P3H2: variants seen among roughly 807,000 people sequenced by gnomAD.
The protein encoded by P3H2 is prolyl 3-hydroxylase 2.
Under a neutral mutation model 87.0 loss-of-function variants are expected in P3H2, and 80 were observed. The ratio of observed to expected loss-of-function variants is 0.92; its 90% confidence interval spans 0.77 to 1.11. The LOEUF is 1.11. Among genes scored for constraint, P3H2 ranks in the 50% least tolerant of loss-of-function variants. The pLI, the probability that P3H2 is intolerant of heterozygous loss-of-function variation, is 0.00. For synonymous variants in P3H2, 367 were observed against 359.3 expected (o/e 1.02, Z -0.24); for missense variants, 1,001 against 923.9 (o/e 1.08, Z -1.08).
intron 8 of P3H2, among the ~76,000 whole-genome samples, chr3:189,976,347 G>A (rs939098664): frequency 3.9e-5 from 6 of 152,168 alleles, no homozygotes; most frequent in Admixed American, 2.6e-4. Flanking sequence ...CCACGTCTGG[G>A]GAGGCCTCAC....
At chr3:190,004,377 A>G (rs1442673078) in intron 1 of P3H2, among the ~76,000 whole-genome samples, 1 of 152,136 alleles carries the variant, frequency 6.6e-6, no homozygotes, top group Non-Finnish European at 1.5e-5. Context: ...GATACAAACG[A>G]TAATTTATTT....
chr3:190,025,540 AG>A (rs1725062430), intron 1 of P3H2, among the ~76,000 whole-genome samples: 1 of 152,146 alleles, frequency 6.6e-6, no homozygotes, highest in Non-Finnish European at 1.5e-5. Context: ...TTCACCTGTG[AG>A]GGTTATGATG....
rs187446949 is a variant in P3H2, at chr3:190,040,361, G to C, written c.481-44919C>G. On this transcript the variant is annotated intron_variant, in intron 1 of 14. Transcript: ENST00000319332. ...TGGTGTGCACACAGGATTACCTGAGGCTTGTAAGGGAGAATGCCAACTAAT... is the reference window on the plus strand; with the variant it reads ...TGGTGTGCACACAGGATTACCTGAGCCTTGTAAGGGAGAATGCCAACTAAT... Among the ~76,000 whole-genome samples the C allele has an allele frequency of 3.1e-3, 467 of 152,328 alleles. 1 individual carries two copies. Among genetic ancestry groups the C allele is most frequent in the Non-Finnish European group, 4.9e-3 (332 of 68,034 alleles).
In P3H2 at chr3:190,017,331, G is replaced by GA. The variant is rs537677987; in HGVS notation, c.481-21890dup. On this transcript the variant is annotated intron_variant, in intron 1 of 14. Coordinates refer to ENST00000319332, the MANE Select transcript of P3H2 (RefSeq NM_018192.4). ...AAGCCACCTCAGCTGCTCTCTCAGG[G>GA]AAAAAAAAATAATACTGTTGCTTCC... Among the ~76,000 whole-genome samples, 20 of 150,396 alleles carry GA rather than the reference G, an allele frequency of 1.3e-4. No individual in the cohort carries two copies. In the East Asian group the frequency reaches 1.4e-3, roughly 10 times the overall value.
intron 1 of P3H2, among the ~76,000 whole-genome samples, chr3:190,064,851 G>A (rs1199049947): frequency 6.6e-6 from 1 of 152,158 alleles, no homozygotes; most frequent in African/African-American, 2.4e-5. Flanking sequence ...AAGCCTTCTT[G>A]TTTTGTGTCA....
In P3H2 at chr3:189,971,970, G is replaced by T. The variant is rs771088293; in HGVS notation, c.1737C>A (p.Ile579=). The T allele has an allele frequency of 1.9e-6, 3 of 1,613,372 alleles. No individual in the cohort carries two copies. Among genetic ancestry groups the T allele is most frequent in the South Asian group, 1.1e-5 (1 of 91,072 alleles). The stretch of plus-strand genomic sequence containing the variant: ...GATCCAACAAACAGTTGTCAGCATG[G>T]ATGGGATGACTGAGGTCATTTCTTC... The part of the protein sequence containing the change: ...QDRRNDLSHP[I]HADNCLLDPE... The change falls in exon 12 of 15, where the codon ATC becomes ATA. Residue 579 remains isoleucine, a synonymous_variant. Transcript: ENST00000319332.
Position 189,957,798 on chromosome 3 carries a change from T to G in P3H2, c.*114A>C. 1.4e-6 allele frequency: 1 copy of G among 728,720 alleles called. No individual in the cohort carries two copies. Among genetic ancestry groups the G allele is most frequent in the Non-Finnish European group, 2.4e-6 (1 of 413,526 alleles). 45.1% of individuals were successfully genotyped at this position (728,720 alleles called of 1,614,324 possible). The stretch of plus-strand genomic sequence containing the variant: ...AGCATCCTTAGGAAGAGAAGGAAGA[T>G]CTGATGACTGACATTAACCTGTTAA... On this transcript the variant is annotated 3_prime_UTR_variant, in exon 15 of 15. Coordinates refer to ENST00000319332, the MANE Select transcript of P3H2 (RefSeq NM_018192.4).
At chr3:190,018,061 T>C (rs1003970263) in intron 1 of P3H2, among the ~76,000 whole-genome samples, 5 of 152,296 alleles carry the variant, frequency 3.3e-5, no homozygotes, top group South Asian at 2.1e-4. Flanking sequence ...TATGAATTCA[T>C]CCTCTTATTA....
chr3:189,986,830 T>C lies in P3H2; in HGVS notation c.1146A>G (p.Ile382Met). The C allele has an allele frequency of 2.5e-6, 4 of 1,613,120 alleles. No homozygotes were observed. Among genetic ancestry groups the C allele is most frequent in the Non-Finnish European group, 3.4e-6 (4 of 1,179,100 alleles). ...ACCCCAGACCTTCTGCAGCTGATTT[T>C]ATCAGCTCAGACTCCAGCTTATGAC... The part of the protein sequence containing the change: ...VKRHKLESEL[I>M]KSAAEGLGFS... Residue 382 changes from isoleucine (I) to methionine (M), a missense_variant, in exon 6 of 15, where the codon ATA (isoleucine) becomes ATG (methionine). Physicochemically the swap from Ile to Met is conservative, Grantham distance 10. Coordinates refer to ENST00000319332, the MANE Select transcript of P3H2 (RefSeq NM_018192.4).
At chr3:190,005,434 C>T in intron 1 of P3H2, among the ~76,000 whole-genome samples, 1 of 152,172 alleles carries the variant, frequency 6.6e-6, no homozygotes, top group East Asian at 1.9e-4. Flanking sequence ...AATAGCTTGG[C>T]AAATTTGATT....
rs569217069 is a variant in P3H2, at chr3:189,973,735, AG to A, written c.1548+173del. On this transcript the variant is annotated intron_variant, in intron 10 of 14. Coordinates refer to ENST00000319332, the MANE Select transcript of P3H2 (RefSeq NM_018192.4). ...GAGACGGGGTTTCACCATGTTAGCC[AG>A]GGTGGTCTCGATCTCCTGACCTCGT... Among the ~76,000 whole-genome samples, 622 of 151,990 alleles carry A rather than the reference AG, an allele frequency of 4.1e-3. 4 individuals carry two copies. The highest frequency in any genetic ancestry group is 6.3e-3 in the Non-Finnish European group (428 of 67,962).
intron 1 of P3H2, among the ~76,000 whole-genome samples, chr3:190,087,223 G>GT (rs1441294382): frequency 6.6e-6 from 1 of 152,076 alleles, no homozygotes; most frequent in Non-Finnish European, 1.5e-5. Flanking sequence ...TTATACATCT[G>GT]TATCATCTGC....
At chr3:189,980,684 A>C (rs1263226557) in intron 8 of P3H2, among the ~76,000 whole-genome samples, 5 of 152,216 alleles carry the variant, frequency 3.3e-5, no homozygotes, top group African/African-American at 9.6e-5. Flanking sequence ...CTTTTTAGTT[A>C]TGATATAATA....
intron 1 of P3H2, among the ~76,000 whole-genome samples, chr3:190,095,632 G>T (rs1325901073): frequency 2.8e-5 from 4 of 141,056 alleles, no homozygotes; most frequent in Non-Finnish European, 6.0e-5. Context: ...ACGGAGTCTC[G>T]CTCTGTCACC....
At chr3:190,100,403 T>C (rs568625047) in intron 1 of P3H2, among the ~76,000 whole-genome samples, 1 of 152,274 alleles carries the variant, frequency 6.6e-6, no homozygotes, top group Non-Finnish European at 1.5e-5. Context: ...ATACTAGGAT[T>C]TATTAAAATG....
chr3:190,063,911 G>C (rs142640803), intron 1 of P3H2, among the ~76,000 whole-genome samples: 1 of 151,632 alleles, frequency 6.6e-6, no homozygotes, highest in Non-Finnish European at 1.5e-5. Flanking sequence ...AGTTAGATTT[G>C]AGAATGTTTA....
intron 4 of P3H2, among the ~76,000 whole-genome samples, chr3:189,988,399 G>A (rs928526425): frequency 6.6e-6 from 1 of 151,914 alleles, no homozygotes; most frequent in East Asian, 1.9e-4. Flanking sequence ...ATATATGTGT[G>A]TGTGTGCATG....
intron 1 of P3H2, among the ~76,000 whole-genome samples, chr3:190,095,863 A>G (rs1447805226): frequency 1.3e-5 from 2 of 152,054 alleles, no homozygotes; most frequent in East Asian, 3.9e-4. Flanking sequence ...CGGCCTCCCA[A>G]AGTGCTGGGA....
In P3H2 at chr3:189,959,712, T is replaced by C. The variant is rs144023125; in HGVS notation, c.2035-1708A>G. ...CGCTTTCTTTTATTCCTCACATTAA[T>C]CCATCAGCAGGTGCAGCTGGTCTAC... On this transcript the variant is annotated intron_variant, in intron 14 of 14. Transcript: ENST00000319332. 3.9e-5 allele frequency among the ~76,000 whole-genome samples: 6 copies of C among 152,240 alleles called. No individual in the cohort carries two copies. In the East Asian group the frequency reaches 1.2e-3, roughly 29 times the overall value.
Sources: gnomAD v4.1 joint callset for allele counts (sites outside exome capture counted in the v4.1 genomes callset) on GRCh38, gnomAD v4.1.1 for gene constraint, MANE v1.5 for transcripts, NCBI Gene and HGNC (gene_info 2026-07-23, HGNC 2026-07-21) for gene names.